FSTL5: variants seen among roughly 807,000 people sequenced by gnomAD.
FSTL5 encodes the protein follistatin-related protein 5.
Under a neutral mutation model 89.1 loss-of-function variants are expected in FSTL5, and 62 were observed. The observed-to-expected ratio is 0.70, with a 90% CI of 0.57 to 0.86. FSTL5 has a LOEUF of 0.86. Among genes scored for constraint, FSTL5 ranks in the 40% least tolerant of loss-of-function variants. FSTL5 has a pLI of 0.00. For synonymous variants in FSTL5, 383 were observed against 346.2 expected (o/e 1.11, Z -1.18); for missense variants, 1,057 against 1,001.6 (o/e 1.06, Z -0.75).
chr4:161,454,973 TA>T (rs1560903056), intron 15 of FSTL5, 30 bp downstream of exon 15: 1 of 1,603,104 alleles, frequency 6.2e-7, no homozygotes, highest in Non-Finnish European at 8.5e-7. Flanking sequence ...GACAAATCTT[TA>T]AAAAGTTGAT....
intron 8 of FSTL5, among the ~76,000 whole-genome samples, chr4:161,581,825 T>C (rs1272519930): frequency 4.6e-5 from 7 of 152,246 alleles, no homozygotes; most frequent in African/African-American, 1.2e-4. Context: ...GAAGTAACAG[T>C]GTACATATAG....
chr4:162,143,244 A>G (rs565788209), intron 1 of FSTL5, among the ~76,000 whole-genome samples: 9 of 152,150 alleles, frequency 5.9e-5, no homozygotes, highest in Admixed American at 2.0e-4. Context: ...TTAAATTACA[A>G]TGATAAAAAC....
At chr4:161,839,913 A>G (rs578131203) in intron 4 of FSTL5, among the ~76,000 whole-genome samples, 1 of 152,348 alleles carries the variant, frequency 6.6e-6, no homozygotes, top group Non-Finnish European at 1.5e-5. Context: ...AGTGTGAATG[A>G]GTTTGCTTCA....
intron 15 of FSTL5, among the ~76,000 whole-genome samples, chr4:161,435,185 A>C (rs2126351107): frequency 6.6e-6 from 1 of 152,270 alleles, no homozygotes; most frequent in South Asian, 2.1e-4. Context: ...AGTGCTCATC[A>C]CCAGACGAAT....
chr4:161,559,290 G>A (rs1280139697), intron 8 of FSTL5, among the ~76,000 whole-genome samples: 5 of 151,502 alleles, frequency 3.3e-5, no homozygotes, highest in African/African-American at 1.2e-4. Flanking sequence ...ACTTTCTGAT[G>A]ACTCCTAAAA....
At chr4:161,415,146 C>G (rs1334218077) in intron 15 of FSTL5, among the ~76,000 whole-genome samples, 1 of 152,126 alleles carries the variant, frequency 6.6e-6, no homozygotes, top group Admixed American at 6.6e-5. Context: ...CTTTTCAAAA[C>G]TTTATATCAT....
chr4:161,999,731 T>C (rs1736406543), intron 3 of FSTL5, among the ~76,000 whole-genome samples: 1 of 152,108 alleles, frequency 6.6e-6, no homozygotes, highest in Admixed American at 6.5e-5. Context: ...ATTTTAGAAA[T>C]GAAAAATTCA....
intron 4 of FSTL5, among the ~76,000 whole-genome samples, chr4:161,883,465 C>T (rs560394247): frequency 6.6e-6 from 1 of 152,266 alleles, no homozygotes; most frequent in East Asian, 1.9e-4. Context: ...ATATTAGTCT[C>T]ATGCAGTTCT....
chr4:161,896,108 G>A (rs975919068), intron 4 of FSTL5, among the ~76,000 whole-genome samples: 7 of 151,932 alleles, frequency 4.6e-5, no homozygotes, highest in African/African-American at 1.7e-4. Context: ...TCATACTTTT[G>A]ATATATTGTC....
intron 4 of FSTL5, among the ~76,000 whole-genome samples, chr4:161,836,524 C>T (rs1731048614): frequency 6.6e-6 from 1 of 151,440 alleles, no homozygotes; most frequent in Non-Finnish European, 1.5e-5. Context: ...GCACACAGTG[C>T]AGCATCCCTC....
chr4:161,648,120 T>G (rs1488539965), intron 7 of FSTL5, among the ~76,000 whole-genome samples: 2 of 152,186 alleles, frequency 1.3e-5, no homozygotes, highest in African/African-American at 4.8e-5. Context: ...CAAGCCCATG[T>G]GTGATCCGAT....
rs148240887 is a variant in FSTL5 at position 162,098,324 on chromosome 4, G to A, written c.126+12947C>T. ...TGGTTGCCCTAGAAGAAATGGAAGC[G>A]GAGATTGATAGAGAAAAGGCCTGAG... On this transcript the variant is annotated intron_variant, in intron 2 of 15. Transcript: ENST00000306100. Among the ~76,000 whole-genome samples the A allele has an allele frequency of 1.9e-4, 29 of 152,030 alleles. 1 individual carries two copies. The highest frequency in any genetic ancestry group is 1.2e-3 in the South Asian group (6 of 4,828).
At chr4:161,491,726 A>G (rs1481929848) in intron 12 of FSTL5, among the ~76,000 whole-genome samples, 6 of 152,018 alleles carry the variant, frequency 3.9e-5, no homozygotes, top group African/African-American at 1.2e-4. Flanking sequence ...TTGTAATCCC[A>G]GCTACTGCAG....
chr4:161,783,093 C>T (rs777917362), intron 4 of FSTL5, among the ~76,000 whole-genome samples: 4 of 151,994 alleles, frequency 2.6e-5, no homozygotes, highest in South Asian at 2.1e-4. Context: ...AAACAAAGCA[C>T]GATACAATGG....
At chr4:161,513,761 C>T (rs924471807) in intron 10 of FSTL5, among the ~76,000 whole-genome samples, 1 of 152,118 alleles carries the variant, frequency 6.6e-6, no homozygotes, top group African/African-American at 2.4e-5. Flanking sequence ...ACCACATGTT[C>T]TCACTTATAA....
chr4:161,599,057 G>A lies in FSTL5; in HGVS notation c.895-11482C>T, dbSNP rs112111763. 9.4e-3 allele frequency among the ~76,000 whole-genome samples: 1,433 copies of A among 152,030 alleles called. 24 individuals carry two copies. Among genetic ancestry groups the A allele is most frequent in the African/African-American group, 0.033 (1,379 of 41,478 alleles). ...CATTATCAAAACAGTGAAACTACAAGCCATAATTGGACAAAGCAACCCATT... is the reference window on the plus strand; with the variant it reads ...CATTATCAAAACAGTGAAACTACAAACCATAATTGGACAAAGCAACCCATT... On this transcript the variant is annotated intron_variant, in intron 7 of 15. Transcript: ENST00000306100.
chr4:161,470,621 C>CA (rs34868487), intron 13 of FSTL5, among the ~76,000 whole-genome samples: 33,778 of 143,688 alleles, frequency 0.24, 4,313 homozygotes, highest in East Asian at 0.44. Flanking sequence ...TCTATTTCTG[C>CA]AAAAAAAAAA....
intron 1 of FSTL5, among the ~76,000 whole-genome samples, chr4:162,127,339 A>G (rs1732122803): frequency 6.6e-6 from 1 of 152,202 alleles, no homozygotes; most frequent in African/African-American, 2.4e-5. Flanking sequence ...AAGTCTAAGT[A>G]AGGTAACCAG....
intron 15 of FSTL5, among the ~76,000 whole-genome samples, chr4:161,390,731 T>G (rs530354637): frequency 2.9e-4 from 44 of 152,168 alleles, no homozygotes; most frequent in African/African-American, 1.0e-3. Flanking sequence ...TGGTCCCAGA[T>G]ACATTAAAGC....
Sources: allele counts gnomAD v4.1 joint callset (sites outside exome capture counted in the v4.1 genomes callset), GRCh38; gene constraint gnomAD v4.1.1; transcripts MANE v1.5; gene names NCBI Gene and HGNC (gene_info 2026-07-23, HGNC 2026-07-21).